Variants in SMIM10L3 observed in about 807,000 individuals in gnomAD.
The protein encoded by SMIM10L3 is small integral membrane protein 10 like 3.
the SMIM10L3 span, among the ~76,000 whole-genome samples, chr7:6,345,796 T>TC: frequency 6.6e-6 from 1 of 151,984 alleles, no homozygotes; most frequent in Non-Finnish European, 1.5e-5. Flanking sequence ...TGAGACAGAG[T>TC]CTCGCTGTGT....
the SMIM10L3 span, chr7:6,330,673 A>G: frequency 6.2e-7 from 1 of 1,613,978 alleles, no homozygotes; most frequent in Admixed American, 1.7e-5. Context: ...CATTTCCGGC[A>G]CTTTTTGATG....
At chr7:6,333,159 TAAAAAAATCAAAAA>T in the SMIM10L3 span, among the ~76,000 whole-genome samples, 2 of 75,316 alleles carry the variant, frequency 2.7e-5, no homozygotes, top group Admixed American at 3.0e-4. Flanking sequence ...CCATCCCAAA[TAAAAAAATCAAAAA>T]AAAAAAAACA....
the SMIM10L3 span, chr7:6,331,291 C>A: frequency 1.8e-5 from 13 of 727,354 alleles, no homozygotes; most frequent in Non-Finnish European, 2.9e-5. Flanking sequence ...GTCTTAAGAG[C>A]ATCTACACCC....
At chr7:6,330,898 A>C in the SMIM10L3 span, 3 of 1,614,140 alleles carry the variant, frequency 1.9e-6, no homozygotes, top group South Asian at 3.3e-5. Context: ...TGATTCTCTC[A>C]CATATGGAAG....
the SMIM10L3 span, chr7:6,330,388 A>C: frequency 6.2e-7 from 1 of 1,612,104 alleles, no homozygotes; most frequent in Non-Finnish European, 8.5e-7. Context: ...ACTATGGCAT[A>C]ATGTATTTGC....
the SMIM10L3 span, among the ~76,000 whole-genome samples, chr7:6,336,535 G>C: frequency 7.9e-5 from 12 of 151,814 alleles, no homozygotes; most frequent in African/African-American, 2.9e-4. Flanking sequence ...ACAAAAATTA[G>C]CTGGGTATGG....
chr7:6,340,483 A>T, the SMIM10L3 span, among the ~76,000 whole-genome samples: 3 of 152,124 alleles, frequency 2.0e-5, no homozygotes, highest in Admixed American at 6.5e-5. Context: ...CGGCTGAAGC[A>T]CGGAGGCCGT....
At chr7:6,346,038 G>A in the SMIM10L3 span, among the ~76,000 whole-genome samples, 1 of 152,022 alleles carries the variant, frequency 6.6e-6, no homozygotes, top group Non-Finnish European at 1.5e-5. Context: ...CAATATACTG[G>A]GATTACAGGC....
At chr7:6,337,786 T>C in the SMIM10L3 span, among the ~76,000 whole-genome samples, 3 of 149,260 alleles carry the variant, frequency 2.0e-5, no homozygotes, top group Non-Finnish European at 4.4e-5. Flanking sequence ...TCAAAAAGAT[T>C]TCAATACATT....
chr7:6,340,228 G>A, the SMIM10L3 span, among the ~76,000 whole-genome samples: 5 of 152,258 alleles, frequency 3.3e-5, no homozygotes, highest in South Asian at 1.0e-3. Flanking sequence ...GAAGCAGCCA[G>A]AATCTTCTCT....
At chr7:6,331,117 G>A in the SMIM10L3 span, 1 of 1,613,266 alleles carries the variant, frequency 6.2e-7, no homozygotes, top group East Asian at 2.2e-5. Flanking sequence ...CTGCACTTGT[G>A]CCAGGCAGGT....
chr7:6,342,805 G>C, the SMIM10L3 span, among the ~76,000 whole-genome samples: 1 of 152,108 alleles, frequency 6.6e-6, no homozygotes, highest in Non-Finnish European at 1.5e-5. Context: ...GGGAGGCTGA[G>C]GCAGGAGGAT....
chr7:6,341,357 G>A, the SMIM10L3 span, among the ~76,000 whole-genome samples: 1 of 151,164 alleles, frequency 6.6e-6, no homozygotes, highest in African/African-American at 2.4e-5. Flanking sequence ...GCAGGAGAAT[G>A]GTGTGAACCG....
the SMIM10L3 span, among the ~76,000 whole-genome samples, chr7:6,342,936 C>T: frequency 1.3e-5 from 2 of 151,614 alleles, no homozygotes; most frequent in African/African-American, 4.8e-5. Flanking sequence ...ACTCAGAAGG[C>T]TGAAGTGGGA....
chr7:6,344,771 C>G, the SMIM10L3 span, among the ~76,000 whole-genome samples: 53 of 152,180 alleles, frequency 3.5e-4, no homozygotes, highest in African/African-American at 1.2e-3. Flanking sequence ...GACGGAGTCT[C>G]ACTGTGTTGC....
the SMIM10L3 span, among the ~76,000 whole-genome samples, chr7:6,347,038 C>A: frequency 9.9e-5 from 15 of 152,162 alleles, no homozygotes; most frequent in Non-Finnish European, 2.2e-4. Context: ...TAGAAAAAGT[C>A]ATCTGAGGCT....
At chr7:6,337,794 A>ATTAT in the SMIM10L3 span, among the ~76,000 whole-genome samples, 9,607 of 150,516 alleles carry the variant, frequency 0.064, 970 homozygotes, top group African/African-American at 0.19. Context: ...ATTTCAATAC[A>ATTAT]TTATTTATTT....
the SMIM10L3 span, among the ~76,000 whole-genome samples, chr7:6,340,387 C>T: frequency 6.6e-4 from 100 of 152,214 alleles, no homozygotes; most frequent in Non-Finnish European, 9.7e-4. Context: ...GACGGAGAAG[C>T]GACCACTGCA....
chr7:6,329,469 C>T, the SMIM10L3 span: 1 of 152,590 alleles, frequency 6.6e-6, no homozygotes, highest in African/African-American at 2.4e-5. Context: ...TTTCCCCAAA[C>T]ACTAAAATAG....
Sources: allele counts gnomAD v4.1 joint callset (sites outside exome capture counted in the v4.1 genomes callset), GRCh38; gene constraint gnomAD v4.1.1; transcripts MANE v1.5; gene names NCBI Gene and HGNC (gene_info 2026-07-23, HGNC 2026-07-21).